Variants in C1QTNF3 observed in about 807,000 individuals in gnomAD.
C1QTNF3 encodes the protein C1q and TNF related 3, also known as complement C1q tumor necrosis factor-related protein 3.
C1QTNF3 carries 26 observed loss-of-function variants against 32.6 expected under a neutral mutation model. The observed-to-expected ratio is 0.80, with a 90% CI of 0.58 to 1.11. The LOEUF is 1.11. C1QTNF3 is among the 50% of genes least tolerant of loss of function. C1QTNF3 has a pLI of 0.00. For synonymous variants in C1QTNF3, 155 were observed against 146.0 expected, an observed-to-expected ratio of 1.06 and a Z score of -0.44; for missense variants, 362 against 398.2, an observed-to-expected ratio of 0.91 and a Z score of 0.77.
the C1QTNF3 span, among the ~76,000 whole-genome samples, chr5:34,171,811 T>G: frequency 3.3e-5 from 5 of 152,190 alleles, no homozygotes; most frequent in Non-Finnish European, 1.5e-5. Context: ...GCCTAATAGT[T>G]ACATGATTGA....
At chr5:34,036,042 G>T (rs1754728775) in intron 1 of C1QTNF3, among the ~76,000 whole-genome samples, 1 of 152,198 alleles carries the variant, frequency 6.6e-6, no homozygotes. Context: ...TCTGGAAAGT[G>T]CCTTCCTGCT....
the C1QTNF3 span, chr5:34,167,320 C>T: frequency 4.6e-5 from 7 of 152,164 alleles, no homozygotes; most frequent in Non-Finnish European, 8.8e-5. Flanking sequence ...CTCTGCCTCA[C>T]GTTTCAAGCT....
the C1QTNF3 span, among the ~76,000 whole-genome samples, chr5:34,052,358 G>C: frequency 6.6e-6 from 1 of 152,094 alleles, no homozygotes; most frequent in Non-Finnish European, 1.5e-5. Flanking sequence ...CATTAATGCT[G>C]TTCTCTTCTC....
At chr5:34,120,662 G>GT in the C1QTNF3 span, among the ~76,000 whole-genome samples, 3 of 152,050 alleles carry the variant, frequency 2.0e-5, no homozygotes, top group Non-Finnish European at 4.4e-5. Flanking sequence ...AGATCTGATG[G>GT]TTTTATAAAG....
chr5:34,176,444 T>A, the C1QTNF3 span, among the ~76,000 whole-genome samples: 2 of 151,556 alleles, frequency 1.3e-5, no homozygotes, highest in African/African-American at 2.4e-5. Context: ...AGGAATGATG[T>A]AACCCAGAAT....
the C1QTNF3 span, among the ~76,000 whole-genome samples, chr5:34,195,974 T>G: frequency 1.0e-3 from 153 of 152,386 alleles, no homozygotes; most frequent in Admixed American, 1.8e-3. Flanking sequence ...ATTACTTCCT[T>G]TATAAGAAGA....
chr5:34,173,810 C>T, the C1QTNF3 span, among the ~76,000 whole-genome samples: 1 of 148,336 alleles, frequency 6.7e-6, no homozygotes, highest in Non-Finnish European at 1.5e-5. Flanking sequence ...GTTTAAACTA[C>T]TGAAGTTAAA....
chr5:34,216,661 G>T, the C1QTNF3 span, among the ~76,000 whole-genome samples: 3 of 152,118 alleles, frequency 2.0e-5, no homozygotes, highest in African/African-American at 7.2e-5. Context: ...CAATAACTAT[G>T]TTGAAGAATA....
At chr5:34,029,810 A>G (rs888623008) in intron 3 of C1QTNF3, among the ~76,000 whole-genome samples, 1 of 152,218 alleles carries the variant, frequency 6.6e-6, no homozygotes, top group African/African-American at 2.4e-5. Flanking sequence ...GATTGTATTT[A>G]TTTATATGAA....
the C1QTNF3 span, among the ~76,000 whole-genome samples, chr5:34,073,037 T>C: frequency 1.3e-5 from 2 of 152,138 alleles, no homozygotes; most frequent in African/African-American, 4.8e-5. Context: ...ACCATAAAAA[T>C]GTAATTGTGG....
At chr5:34,073,201 C>A in the C1QTNF3 span, among the ~76,000 whole-genome samples, 3 of 151,990 alleles carry the variant, frequency 2.0e-5, no homozygotes, top group East Asian at 5.8e-4. Flanking sequence ...GTGGTGGGCG[C>A]CTGTAGTCCC....
chr5:34,230,958 C>T, the C1QTNF3 span, among the ~76,000 whole-genome samples: 53 of 139,464 alleles, frequency 3.8e-4, no homozygotes, highest in Non-Finnish European at 7.7e-4. Flanking sequence ...ACTTTTTTTG[C>T]AATTTCTTAG....
the C1QTNF3 span, among the ~76,000 whole-genome samples, chr5:34,239,608 T>C: frequency 6.6e-6 from 1 of 151,904 alleles, no homozygotes; most frequent in African/African-American, 2.4e-5. Context: ...TAAATATAAA[T>C]GCACCCAACA....
At chr5:34,233,859 C>T in the C1QTNF3 span, among the ~76,000 whole-genome samples, 1 of 151,922 alleles carries the variant, frequency 6.6e-6, no homozygotes, top group Non-Finnish European at 1.5e-5. Flanking sequence ...AACTATTACA[C>T]CAAACATTAC....
the C1QTNF3 span, among the ~76,000 whole-genome samples, chr5:34,115,554 C>T: frequency 3.3e-5 from 5 of 151,934 alleles, no homozygotes; most frequent in Non-Finnish European, 7.4e-5. Flanking sequence ...CACGGTGAAA[C>T]CCCATCTCTA....
the C1QTNF3 span, among the ~76,000 whole-genome samples, chr5:34,225,763 T>C: frequency 6.6e-6 from 1 of 151,942 alleles, no homozygotes; most frequent in South Asian, 2.1e-4. Flanking sequence ...TTACATCACA[T>C]TATACCCTAT....
the C1QTNF3 span, among the ~76,000 whole-genome samples, chr5:34,080,197 A>T: frequency 6.6e-6 from 1 of 151,746 alleles, no homozygotes; most frequent in Non-Finnish European, 1.5e-5. Flanking sequence ...TATGTAATTT[A>T]TATATATATT....
Position 34,033,427 on chromosome 5 carries a change from G to A in C1QTNF3, c.447C>T (p.Ala149=). ...CACCTTTGGCTCCTTCATGACCAGT[G>A]GCTCCATTGTTGCCATTGTTTCCAT... The part of the protein sequence containing the change: ...GNHGNNGNNG[A]TGHEGAKGEK... The change falls in exon 3 of 6, where the codon GCC becomes GCT. Residue 149 remains alanine (A), a synonymous_variant. Coordinates refer to ENST00000382065, the MANE Select transcript of C1QTNF3 (RefSeq NM_181435.6). 1.2e-6 allele frequency: 2 copies of A among 1,614,136 alleles called. No homozygotes were observed. The highest frequency in any genetic ancestry group is 1.7e-6 in the Non-Finnish European group (2 of 1,180,022).
chr5:34,183,220 G>A, the C1QTNF3 span, among the ~76,000 whole-genome samples: 1,729 of 129,088 alleles, frequency 0.013, no homozygotes, highest in East Asian at 0.052. Flanking sequence ...CTCGTGATCC[G>A]CCTGCCTCGG....
Sources: allele counts gnomAD v4.1 joint callset (sites outside exome capture counted in the v4.1 genomes callset), GRCh38; gene constraint gnomAD v4.1.1; transcripts MANE v1.5; gene names NCBI Gene and HGNC (gene_info 2026-07-23, HGNC 2026-07-21).